TMED3: variants seen among roughly 807,000 people sequenced by gnomAD.
TMED3 encodes the protein transmembrane p24 trafficking protein 3.
Under a neutral mutation model 15.0 loss-of-function variants are expected in TMED3, and 9 were observed. The ratio of observed to expected loss-of-function variants is 0.60; its 90% CI spans 0.36 to 1.04. The LOEUF (loss-of-function observed/expected upper bound fraction) is 1.04, where lower values mean the gene tolerates loss of function less well. Among genes scored for constraint, TMED3 ranks in the 50% least tolerant of loss-of-function variants. The probability of loss-of-function intolerance (pLI) is 0.01; values close to 1 mark genes in which losing one functional copy is unlikely to be tolerated. For missense variants in TMED3, 267 were observed against 278.9 expected (o/e 0.96, Z 0.30); for synonymous variants, 117 against 121.4 (o/e 0.96, Z 0.24).
At chr15:79,321,130 T>C (rs2058764710) in intron 2 of TMED3, among the ~76,000 whole-genome samples, 1 of 152,254 alleles carries the variant, frequency 6.6e-6, no homozygotes, top group Admixed American at 6.5e-5. Context: ...AGAAAGCTCC[T>C]GGCGTCTGAG....
At chr15:79,328,899 A>G (rs2058797161) in intron 2 of TMED3, among the ~76,000 whole-genome samples, 1 of 152,148 alleles carries the variant, frequency 6.6e-6, no homozygotes, top group Non-Finnish European at 1.5e-5. Flanking sequence ...GTGTTGCCTT[A>G]AGGCACCCAC....
At chr15:79,314,103 A>T in intron 2 of TMED3, 98 bp downstream of exon 2, 3 of 1,499,906 alleles carry the variant, frequency 2.0e-6, no homozygotes, top group Non-Finnish European at 2.7e-6. Flanking sequence ...TCATCCATCC[A>T]GCTCCCAGTC....
At chr15:79,366,409 C>T (rs993212490) in intron 2 of TMED3, among the ~76,000 whole-genome samples, 4 of 152,238 alleles carry the variant, frequency 2.6e-5, no homozygotes, top group Non-Finnish European at 2.9e-5. Context: ...TTATACCCCT[C>T]AGCCACTGGC....
rs188994196 is a variant in TMED3, at chr15:79,386,665, A to C, written c.418-24735A>C. Among the ~76,000 whole-genome samples the C allele has an allele frequency of 6.7e-4, 101 of 150,182 alleles. 1 individual carries two copies. In the East Asian group the frequency reaches 0.019, roughly 28 times the overall value. On this transcript the variant is annotated intron_variant, in intron 2 of 2. Transcript: ENST00000424155. Reference sequence around the variant, plus strand: ...AGCAATTCTCTGCCTCAGCCTCCCGAGTAGCTGGGATTACAGGTGTGGGCC... The same window carrying C: ...AGCAATTCTCTGCCTCAGCCTCCCGCGTAGCTGGGATTACAGGTGTGGGCC...
intron 2 of TMED3, among the ~76,000 whole-genome samples, chr15:79,342,748 C>G (rs550176136): frequency 6.6e-6 from 1 of 152,276 alleles, no homozygotes; most frequent in South Asian, 2.1e-4. Flanking sequence ...TAGTTAATAA[C>G]CATTTGTTAA....
chr15:79,322,838 G>A lies in TMED3; in HGVS notation c.*624G>A, dbSNP rs139872152. ...TGGCTAATAAAAACTAAGTGTGAGCGTCCTGGAGACTTGTGCCTTTATTTC... is the reference window on the plus strand; with the variant it reads ...TGGCTAATAAAAACTAAGTGTGAGCATCCTGGAGACTTGTGCCTTTATTTC... On this transcript the variant is annotated 3_prime_UTR_variant, in exon 3 of 3. Transcript: ENST00000299705. 1.1e-3 allele frequency: 1,113 copies of A among 985,530 alleles called. 10 individuals carry two copies. In the Admixed American group the frequency reaches 0.016, roughly 14 times the overall value. The allele number at this position is 985,530 out of a possible 1,614,324, so 61.0% of individuals were successfully genotyped here. A position where few individuals can be genotyped will look rare whatever the true frequency, so the allele number is the denominator to read the frequency against.
chr15:79,376,303 G>A (rs1304672283), intron 2 of TMED3, among the ~76,000 whole-genome samples: 2 of 150,020 alleles, frequency 1.3e-5, no homozygotes, highest in Admixed American at 6.7e-5. Flanking sequence ...ATAGCTTTTG[G>A]CATTCTTGGG....
intron 2 of TMED3, among the ~76,000 whole-genome samples, chr15:79,337,664 A>T (rs2058832048): frequency 6.6e-6 from 1 of 152,150 alleles, no homozygotes; most frequent in Non-Finnish European, 1.5e-5. Context: ...TCGATCACAC[A>T]CTCGCATCAG....
exon 3 of TMED3, chr15:79,413,595 G>A (rs1190466440): frequency 6.6e-6 from 1 of 152,256 alleles, no homozygotes; most frequent in Non-Finnish European, 1.5e-5. Flanking sequence ...TAGTAGTGCT[G>A]AAGGTGTGTT....
intron 2 of TMED3, among the ~76,000 whole-genome samples, chr15:79,389,376 C>G (rs536143091): frequency 9.9e-5 from 15 of 152,122 alleles, no homozygotes; most frequent in African/African-American, 1.4e-4. Flanking sequence ...TTTTTGTTTG[C>G]TTTGTCGAAG....
At chr15:79,397,383 G>A (rs370065257) in intron 2 of TMED3, among the ~76,000 whole-genome samples, 2 of 152,066 alleles carry the variant, frequency 1.3e-5, no homozygotes, top group East Asian at 1.9e-4. Context: ...TGAGTTTTGC[G>A]CTCTCTGCCT....
At chr15:79,330,291 A>G (rs905145530) in intron 2 of TMED3, among the ~76,000 whole-genome samples, 1 of 152,266 alleles carries the variant, frequency 6.6e-6, no homozygotes, top group Non-Finnish European at 1.5e-5. Flanking sequence ...AGCAAAACCT[A>G]AAGACTCCAC....
chr15:79,319,996 CTG>C (rs552612900), intron 2 of TMED3, among the ~76,000 whole-genome samples: 43,394 of 152,032 alleles, frequency 0.29, 7,028 homozygotes, highest in Middle Eastern at 0.41. Flanking sequence ...GTGGGCCTGA[CTG>C]ATGTCAGGCC....
intron 2 of TMED3, among the ~76,000 whole-genome samples, chr15:79,405,866 G>A (rs1216711346): frequency 1.3e-5 from 2 of 152,168 alleles, no homozygotes; most frequent in African/African-American, 2.4e-5. Context: ...CAGTCGATGT[G>A]TACTCCTGTC....
chr15:79,343,107 G>A (rs974034622), intron 2 of TMED3, among the ~76,000 whole-genome samples: 4 of 152,144 alleles, frequency 2.6e-5, no homozygotes, highest in African/African-American at 9.7e-5. Flanking sequence ...ATGGAGATAA[G>A]AATTGGTGTG....
intron 2 of TMED3, among the ~76,000 whole-genome samples, chr15:79,363,557 C>T (rs991361798): frequency 7.4e-6 from 1 of 134,610 alleles, no homozygotes; most frequent in Non-Finnish European, 1.6e-5. Flanking sequence ...AAGAGAGAAA[C>T]AAGTCATTCA....
At chr15:79,386,009 G>T (rs1053162567) in intron 2 of TMED3, among the ~76,000 whole-genome samples, 4 of 152,202 alleles carry the variant, frequency 2.6e-5, no homozygotes, top group Non-Finnish European at 5.9e-5. Flanking sequence ...TAGACCAGGG[G>T]AGAAATTTGC....
chr15:79,403,499 CTT>C (rs1461650130), intron 2 of TMED3, among the ~76,000 whole-genome samples: 12 of 152,142 alleles, frequency 7.9e-5, no homozygotes, highest in Non-Finnish European at 1.6e-4. Context: ...ACCATTATCT[CTT>C]GGTGAAAAAG....
chr15:79,313,795 A>G lies in TMED3; in HGVS notation c.207A>G (p.Val69=), dbSNP rs3825933. 4.0e-3 allele frequency: 6,402 copies of G among 1,614,212 alleles called. 115 individuals are homozygous for G. The African/African-American group carries it at 0.048, about 12-fold the overall frequency. ...TGGHYDVDCY[V]EDPQGNTIYR... ...GCCACTACGATGTTGACTGCTATGT[A>G]GAGGACCCCCAGGGGAACACCATCT... The change falls in exon 2 of 3, where the codon GTA becomes GTG. Residue 69 remains valine, a synonymous_variant. Coordinates refer to ENST00000299705, the MANE Select transcript of TMED3 (RefSeq NM_007364.4).
Sources: gnomAD v4.1 joint callset for allele counts (sites outside exome capture counted in the v4.1 genomes callset) on GRCh38, gnomAD v4.1.1 for gene constraint, MANE v1.5 for transcripts, NCBI Gene and HGNC (gene_info 2026-07-23, HGNC 2026-07-21) for gene names.